The following IFT43 variants were observed in gnomAD, a reference collection of about 807,000 sequenced individuals.
IFT43 encodes intraflagellar transport protein 43 homolog.
A neutral mutation model predicts 32.3 loss-of-function variants in IFT43; 33 were observed. The observed-to-expected ratio is 1.02, with a 90% CI of 0.77 to 1.37. The LOEUF (loss-of-function observed/expected upper bound fraction) is 1.37, where lower values mean the gene tolerates loss of function less well. Ranked by LOEUF, IFT43 falls within the 40% of genes most tolerant of loss-of-function variation. The pLI is 0.00. For missense variants in IFT43, 274 were observed against 265.9 expected (o/e 1.03, Z -0.21); for synonymous variants, 93 against 98.2 (o/e 0.95, Z 0.31).
rs939723715 is a variant in IFT43 at position 76,022,393 on chromosome 14, A to G, written c.214A>G (p.Lys72Glu). ...GWAGDSVKAS[K>E]FRRKASEEIE... Reference sequence around the variant, plus strand: ...GGCAGGTGATTCCGTGAAGGCTTCGAAGTGAGTACCAGCAGCTCATAAGAG... The same window carrying G: ...GGCAGGTGATTCCGTGAAGGCTTCGGAGTGAGTACCAGCAGCTCATAAGAG... The change falls in exon 3 of 9, where the codon AAG (lysine) becomes GAG (glutamate). Residue 72 changes from lysine (K) to glutamate (E), a missense_variant and splice_region_variant. Lys to Glu is a moderately conservative substitution (Grantham distance 56). Coordinates refer to ENST00000314067, the MANE Select transcript of IFT43 (RefSeq NM_001102564.3). The G allele has an allele frequency of 6.3e-7, 1 of 1,592,434 alleles. No homozygotes were observed. The highest frequency in any genetic ancestry group is 1.3e-5 in the African/African-American group (1 of 74,538).
intron 5 of IFT43, among the ~76,000 whole-genome samples, chr14:76,079,435 G>T (rs1028311765): frequency 6.6e-6 from 1 of 152,156 alleles, no homozygotes; most frequent in Non-Finnish European, 1.5e-5. Flanking sequence ...CTGGGTGGGC[G>T]TGAGTCTGAT....
At position 75,985,854 on chromosome 14, in the gene IFT43, C is replaced by T. The variant is rs917318045; in HGVS notation, c.54+14C>T. ...TTGGCTACCTCCGTGAGGACCAATT[C>T]GGGGGCCTTGGGGGCCAGGATTTGG... On this transcript the variant is annotated intron_variant, in intron 1 of 8. Coordinates refer to ENST00000314067, the MANE Select transcript of IFT43 (RefSeq NM_001102564.3). 6 of 1,613,522 alleles carry T rather than the reference C, an allele frequency of 3.7e-6. No individual in the cohort carries two copies. The highest frequency in any genetic ancestry group is 4.2e-6 in the Non-Finnish European group (5 of 1,179,752).
intron 5 of IFT43, among the ~76,000 whole-genome samples, chr14:76,060,165 G>T (rs1594854300): frequency 6.6e-6 from 1 of 152,164 alleles, no homozygotes; most frequent in Non-Finnish European, 1.5e-5. Context: ...TCTCTAAAAT[G>T]AAGCCTTCTA....
rs2037167649 is a variant in IFT43, at chr14:76,062,937, AAAAAGAAAAT to A, written c.295+3566_295+3575del. Reference sequence around the variant, plus strand: ...CATCTCAAAAAAAAAAAAAAAAAAAAAAAAGAAAATACATTAAGTCAAACCACTGTAAATT... The same window carrying A: ...CATCTCAAAAAAAAAAAAAAAAAAAAACATTAAGTCAAACCACTGTAAATT... On this transcript the variant is annotated intron_variant, in intron 5 of 8. Transcript: ENST00000314067. Among the ~76,000 whole-genome samples the A allele has an allele frequency of 5.4e-5, 8 of 146,888 alleles. No individual in the cohort carries two copies. The Admixed American group carries it at 5.6e-4, about 10-fold the overall frequency.
intron 5 of IFT43, among the ~76,000 whole-genome samples, chr14:76,078,611 C>T (rs908595152): frequency 6.6e-6 from 1 of 152,208 alleles, no homozygotes; most frequent in Non-Finnish European, 1.5e-5. Flanking sequence ...GACAGAGAAG[C>T]AGGTTGAACA....
At chr14:76,050,664 G>A (rs2140031500) in intron 3 of IFT43, among the ~76,000 whole-genome samples, 1 of 152,220 alleles carries the variant, frequency 6.6e-6, no homozygotes, top group South Asian at 2.1e-4. Flanking sequence ...TAAGTTTATG[G>A]AGGTGTTAGT....
chr14:76,063,487 T>C (rs1192724957), intron 5 of IFT43, among the ~76,000 whole-genome samples: 4 of 152,238 alleles, frequency 2.6e-5, no homozygotes, highest in Non-Finnish European at 5.9e-5. Context: ...ACCTTCGTGC[T>C]ATGTGTGGGG....
chr14:76,029,161 C>T (rs1468256642), intron 3 of IFT43, among the ~76,000 whole-genome samples: 1 of 152,042 alleles, frequency 6.6e-6, no homozygotes, highest in African/African-American at 2.4e-5. Flanking sequence ...AATAGCCATT[C>T]TGACAGGTAT....
At chr14:76,055,423 CAA>C (rs1488288857) in intron 3 of IFT43, among the ~76,000 whole-genome samples, 1 of 150,678 alleles carries the variant, frequency 6.6e-6, no homozygotes, top group Non-Finnish European at 1.5e-5. Context: ...AAACAGGAAA[CAA>C]AACATTTACA....
intron 2 of IFT43, among the ~76,000 whole-genome samples, chr14:76,018,225 C>G (rs1019906580): frequency 1.3e-5 from 2 of 151,216 alleles, no homozygotes; most frequent in Admixed American, 1.3e-4. Flanking sequence ...TTGCTGTATC[C>G]CATAGGTTTT....
intron 3 of IFT43, among the ~76,000 whole-genome samples, chr14:76,048,626 G>T (rs2036853736): frequency 6.6e-6 from 1 of 152,174 alleles, no homozygotes; most frequent in Non-Finnish European, 1.5e-5. Context: ...GGAAATGGAG[G>T]CCCCTCACAT....
intron 3 of IFT43, among the ~76,000 whole-genome samples, chr14:76,032,323 T>C (rs1038781744): frequency 6.6e-6 from 1 of 152,248 alleles, no homozygotes; most frequent in Non-Finnish European, 1.5e-5. Context: ...CCCTCTGTGT[T>C]ATCTCTGCAT....
At chr14:76,061,583 A>G (rs192639517) in intron 5 of IFT43, among the ~76,000 whole-genome samples, 1 of 152,026 alleles carries the variant, frequency 6.6e-6, no homozygotes, top group East Asian at 1.9e-4. Context: ...TTCTTCTACA[A>G]TGTCTAGTCT....
intron 5 of IFT43, among the ~76,000 whole-genome samples, chr14:76,072,993 C>T (rs2037347804): frequency 6.6e-6 from 1 of 152,160 alleles, no homozygotes; most frequent in Admixed American, 6.6e-5. Flanking sequence ...GGAGAGTGGC[C>T]TTAGATGGAT....
intron 2 of IFT43, among the ~76,000 whole-genome samples, chr14:75,999,246 TATATATATATATATATA>T (rs2035812286): frequency 9.6e-5 from 1 of 10,376 alleles, no homozygotes; most frequent in African/African-American, 4.0e-4. Flanking sequence ...TATATATATA[TATATATATATATATATA>T]TATATATATG....
chr14:76,026,455 G>A (rs146364262), intron 3 of IFT43, among the ~76,000 whole-genome samples: 2 of 150,142 alleles, frequency 1.3e-5, no homozygotes, highest in Admixed American at 1.3e-4. Context: ...CTACTCAGGA[G>A]ACCAAGGCAG....
chr14:75,999,249 A>AAATTCATTT (rs1362508342), intron 2 of IFT43, among the ~76,000 whole-genome samples: 118 of 13,712 alleles, frequency 8.6e-3, no homozygotes, highest in South Asian at 0.032. Flanking sequence ...ATATATATAT[A>AAATTCATTT]TATATATATA....
At chr14:76,029,117 C>G (rs993911119) in intron 3 of IFT43, among the ~76,000 whole-genome samples, 1 of 152,136 alleles carries the variant, frequency 6.6e-6, no homozygotes, top group African/African-American at 2.4e-5. Context: ...TTTCAGAAGC[C>G]TCACCAACAT....
At chr14:76,047,547 G>A (rs1298180350) in intron 3 of IFT43, among the ~76,000 whole-genome samples, 4 of 152,214 alleles carry the variant, frequency 2.6e-5, no homozygotes, top group Non-Finnish European at 5.9e-5. Context: ...GTTGTAGCAG[G>A]TCTGACAACA....
Sources: allele counts gnomAD v4.1 joint callset (sites outside exome capture counted in the v4.1 genomes callset), GRCh38; gene constraint gnomAD v4.1.1; transcripts MANE v1.5; gene names NCBI Gene and HGNC (gene_info 2026-07-23, HGNC 2026-07-21).